Variants in SLC16A10 observed in about 807,000 individuals in gnomAD.
The protein encoded by SLC16A10 is solute carrier family 16 member 10, also known as monocarboxylate transporter 10.
Under a neutral mutation model 40.0 loss-of-function variants are expected in SLC16A10, and 27 were observed. The ratio of observed to expected loss-of-function variants is 0.67; its 90% CI spans 0.50 to 0.93. The LOEUF (loss-of-function observed/expected upper bound fraction) is 0.93, where lower values mean the gene tolerates loss of function less well. Ranked by LOEUF, SLC16A10 falls within the 40% of genes least tolerant of loss-of-function variation. The probability of loss-of-function intolerance (pLI) is 0.00; values close to 1 mark genes in which losing one functional copy is unlikely to be tolerated. For synonymous variants in SLC16A10, 213 were observed against 249.8 expected (o/e 0.85, Z 1.39); for missense variants, 529 against 658.2 (o/e 0.80, Z 2.15).
At position 111,226,745 on chromosome 6, in the gene SLC16A10, G is replaced by A. The variant is rs1771001620; in HGVS notation, c.*4510G>A. 1 of 152,130 alleles carries A rather than the reference G, an allele frequency of 6.6e-6. No individual in the cohort carries two copies. The allele number at this position is 152,130 out of a possible 1,614,324, so 9.4% of individuals were successfully genotyped here. A position where few individuals can be genotyped will look rare whatever the true frequency, so the allele number is the denominator to read the frequency against. Reference sequence around the variant, plus strand: ...CTTAAAAAGACCAGCTTTTTGTCTTGTTATGAAAACAAAACGCAATTTGTC... The same window carrying A: ...CTTAAAAAGACCAGCTTTTTGTCTTATTATGAAAACAAAACGCAATTTGTC... On this transcript the variant is annotated 3_prime_UTR_variant, in exon 6 of 6. Coordinates refer to ENST00000368851, the MANE Select transcript of SLC16A10 (RefSeq NM_018593.5).
intron 4 of SLC16A10, among the ~76,000 whole-genome samples, chr6:111,210,906 C>G (rs973571890): frequency 1.3e-5 from 2 of 151,896 alleles, no homozygotes; most frequent in Non-Finnish European, 2.9e-5. Flanking sequence ...GTCTGTAGTC[C>G]CAGCTACTGG....
Position 111,087,678 on chromosome 6 carries a change from G to A in SLC16A10, c.-75G>A, listed in dbSNP as rs1770891235. ...GCCTCGTTAGCCCGCCAGGAGCCCC[G>A]CAGCTCCTCCGGGAGCCCGCTGGTA... is the stretch of plus-strand genomic sequence containing the variant. On this transcript the variant is annotated 5_prime_UTR_variant, in exon 1 of 6. Coordinates refer to ENST00000368851, the MANE Select transcript of SLC16A10 (RefSeq NM_018593.5). The A allele has an allele frequency of 1.1e-6, 1 of 886,584 alleles. No individual in the cohort carries two copies. Among genetic ancestry groups the A allele is most frequent in the South Asian group, 5.7e-5 (1 of 17,514 alleles). The allele number at this position is 886,584 out of a possible 1,614,324, so 54.9% of individuals were successfully genotyped here.
Position 111,161,222 on chromosome 6 carries a change from C to CAAAAAA in SLC16A10, c.344-11454_344-11449dup, listed in dbSNP as rs57463212. On this transcript the variant is annotated intron_variant, in intron 1 of 5. Transcript: ENST00000368851. ...TGGCTGACATAGCGAGACAGTGTCT[C>CAAAAAA]AAAAAAAAAAAAAAAAAAAAAAAAG... Among the ~76,000 whole-genome samples, 219 of 41,594 alleles carry CAAAAAA rather than the reference C, an allele frequency of 5.3e-3. 5 individuals are homozygous for CAAAAAA. The highest frequency in any genetic ancestry group is 5.9e-3 in the Non-Finnish European group (147 of 24,720). The allele number at this position is 41,594 out of a possible 152,430, so 27.3% of individuals were successfully genotyped here.
At chr6:111,095,492 A>G (rs1402079195) in intron 1 of SLC16A10, among the ~76,000 whole-genome samples, 2 of 152,336 alleles carry the variant, frequency 1.3e-5, no homozygotes, top group African/African-American at 2.4e-5. Flanking sequence ...CTATTCTAAT[A>G]AAGCATTCCG....
At chr6:111,198,211 C>T (rs919359634) in intron 3 of SLC16A10, among the ~76,000 whole-genome samples, 9 of 152,100 alleles carry the variant, frequency 5.9e-5, no homozygotes, top group African/African-American at 1.2e-4. Flanking sequence ...CTCTTGAACC[C>T]GTGGGCAGAG....
At chr6:111,117,215 G>T (rs2114469097) in intron 1 of SLC16A10, among the ~76,000 whole-genome samples, 1 of 152,190 alleles carries the variant, frequency 6.6e-6, no homozygotes, top group South Asian at 2.1e-4. Flanking sequence ...AGCCCAGCAT[G>T]GTGTTGGGTG....
intron 1 of SLC16A10, among the ~76,000 whole-genome samples, chr6:111,092,315 G>GTTTT (rs1173275647): frequency 0.02 from 2,002 of 98,404 alleles, 70 homozygotes; most frequent in African/African-American, 0.057. Context: ...TTTTTTTGTT[G>GTTTT]TTTTTTTTTT....
chr6:111,221,017 G>C (rs1234501179), intron 5 of SLC16A10, among the ~76,000 whole-genome samples: 2 of 152,110 alleles, frequency 1.3e-5, no homozygotes, highest in Non-Finnish European at 2.9e-5. Context: ...TATATATGCA[G>C]AATGGATGTA....
chr6:111,144,299 G>A (rs1772037011), intron 1 of SLC16A10, among the ~76,000 whole-genome samples: 1 of 152,190 alleles, frequency 6.6e-6, no homozygotes, highest in African/African-American at 2.4e-5. Context: ...TGCCTCCCGG[G>A]TTCACGCCAT....
At chr6:111,131,931 C>T (rs1174120200) in intron 1 of SLC16A10, among the ~76,000 whole-genome samples, 1 of 152,230 alleles carries the variant, frequency 6.6e-6, no homozygotes, top group Non-Finnish European at 1.5e-5. Context: ...CTCCTTACCT[C>T]TGAATCTACT....
rs564216142 is a variant in SLC16A10, at chr6:111,156,750, ATGTT to A, written c.344-15940_344-15937del. ...CTGAGGAAATCTGAGTAAAATATAG[ATGTT>A]TGTTACTAATAATGTATCAATAGTA... On this transcript the variant is annotated intron_variant, in intron 1 of 5. Transcript: ENST00000368851. 1.6e-4 allele frequency among the ~76,000 whole-genome samples: 24 copies of A among 152,308 alleles called. No homozygotes were observed. The South Asian group carries it at 3.5e-3, about 22-fold the overall frequency.
At chr6:111,155,703 G>T (rs1326175787) in intron 1 of SLC16A10, among the ~76,000 whole-genome samples, 1 of 152,220 alleles carries the variant, frequency 6.6e-6, no homozygotes, top group African/African-American at 2.4e-5. Flanking sequence ...GGAGGTGTAT[G>T]TAAGTATGCT....
intron 3 of SLC16A10, among the ~76,000 whole-genome samples, chr6:111,199,840 C>A (rs201344981): frequency 0.015 from 1,806 of 122,264 alleles, 27 homozygotes; most frequent in African/African-American, 0.048. Flanking sequence ...AAAAAAAAAA[C>A]AAGTAGAAAT....
chr6:111,221,998 C>T lies in SLC16A10; in HGVS notation c.1316-5C>T, dbSNP rs1009193072. 1.3e-6 allele frequency: 2 copies of T among 1,598,200 alleles called. No homozygotes were observed. The highest frequency in any genetic ancestry group is 2.7e-5 in the African/African-American group (2 of 73,628). ...TCCCTTGGTGACAGCTTTTTCCCTTCTCAGGGTTACTTCGTGACAAACTGG... is the reference window on the plus strand; with the variant it reads ...TCCCTTGGTGACAGCTTTTTCCCTTTTCAGGGTTACTTCGTGACAAACTGG... On this transcript the variant is annotated splice_region_variant and splice_polypyrimidine_tract_variant and intron_variant, in intron 5 of 5. Coordinates refer to ENST00000368851, the MANE Select transcript of SLC16A10 (RefSeq NM_018593.5).
chr6:111,140,592 TCAGTGGAGGCTAAGGTATGC>T (rs1476206525), intron 1 of SLC16A10, among the ~76,000 whole-genome samples: 1 of 152,172 alleles, frequency 6.6e-6, no homozygotes, highest in East Asian at 1.9e-4. Flanking sequence ...TGGAGGTATG[TCAGTGGAGGCTAAGGTATGC>T]CAGTGGAGGC....
At chr6:111,191,157 A>C (rs941985070) in intron 3 of SLC16A10, among the ~76,000 whole-genome samples, 5 of 152,056 alleles carry the variant, frequency 3.3e-5, no homozygotes, top group African/African-American at 1.2e-4. Flanking sequence ...TCCTAATGCT[A>C]TCCCTCCTGT....
chr6:111,186,529 GT>G (rs1251570653), intron 3 of SLC16A10, among the ~76,000 whole-genome samples: 1 of 152,200 alleles, frequency 6.6e-6, no homozygotes, highest in Non-Finnish European at 1.5e-5. Flanking sequence ...GTGGCTTTGG[GT>G]TGTGGAGAGA....
At chr6:111,145,442 A>T (rs967234507) in intron 1 of SLC16A10, among the ~76,000 whole-genome samples, 42 of 152,210 alleles carry the variant, frequency 2.8e-4, no homozygotes, top group Non-Finnish European at 8.8e-5. Flanking sequence ...TTTTAAAAAT[A>T]TATTATTAAG....
Position 111,230,880 on chromosome 6 carries a change from C to A in SLC16A10, c.*8645C>A, listed in dbSNP as rs559634856. 2 of 152,150 alleles carry A rather than the reference C, an allele frequency of 1.3e-5. No homozygotes were observed. The highest frequency in any genetic ancestry group is 4.1e-4 in the South Asian group (2 of 4,822). 9.4% of individuals were successfully genotyped at this position (152,150 alleles called of 1,614,324 possible). A position where few individuals can be genotyped will look rare whatever the true frequency, so the allele number is the denominator to read the frequency against. On this transcript the variant is annotated 3_prime_UTR_variant, in exon 6 of 6. Coordinates refer to ENST00000368851, the MANE Select transcript of SLC16A10 (RefSeq NM_018593.5). ...ATTATTCCAAGTGTATGCTATACAC[C>A]GCAGTGCAGCTCTGCTTCTCTCCCA...
Sources: allele counts gnomAD v4.1 joint callset (sites outside exome capture counted in the v4.1 genomes callset), GRCh38; gene constraint gnomAD v4.1.1; transcripts MANE v1.5; gene names NCBI Gene and HGNC (gene_info 2026-07-23, HGNC 2026-07-21).